B3GAT2: variants seen among roughly 807,000 people sequenced by gnomAD.
B3GAT2 encodes the protein beta-1,3-glucuronyltransferase 2.
B3GAT2 carries 26 observed loss-of-function variants against 27.8 expected under a neutral mutation model. The observed-to-expected ratio is 0.93, with a 90% CI of 0.68 to 1.30. B3GAT2 has a LOEUF of 1.30. B3GAT2 is among the 50% of genes most tolerant of loss of function. B3GAT2 has a pLI of 0.00. For synonymous variants in B3GAT2, 218 were observed against 195.1 expected (o/e 1.12, Z -0.98); for missense variants, 458 against 459.0 (o/e 1.00, Z 0.02).
In B3GAT2 at chr6:70,876,154, G is replaced by A. The variant is rs894761755; in HGVS notation, c.737-14176C>T. On this transcript the variant is annotated intron_variant, in intron 2 of 3. Coordinates refer to ENST00000230053, the MANE Select transcript of B3GAT2 (RefSeq NM_080742.3). Reference sequence around the variant, plus strand: ...GACATGGCCTGGGTAAGAGGCCATGGTACTACTGAATTGGTCAAACTAAGC... The same window carrying A: ...GACATGGCCTGGGTAAGAGGCCATGATACTACTGAATTGGTCAAACTAAGC... Among the ~76,000 whole-genome samples the A allele has an allele frequency of 2.6e-5, 4 of 152,136 alleles. No individual in the cohort carries two copies. The East Asian group carries it at 5.8e-4, about 22-fold the overall frequency.
intron 2 of B3GAT2, among the ~76,000 whole-genome samples, chr6:70,879,205 T>TTG (rs756113434): frequency 6.6e-6 from 1 of 150,522 alleles, no homozygotes. Flanking sequence ...GTTGTTGTTG[T>TTG]TTGTTTTTTG....
At chr6:70,937,921 G>A (rs1268736573) in intron 1 of B3GAT2, among the ~76,000 whole-genome samples, 2 of 151,892 alleles carry the variant, frequency 1.3e-5, no homozygotes, top group Non-Finnish European at 2.9e-5. Flanking sequence ...GGCAGAAGAA[G>A]GACATAAAGG....
At chr6:70,949,773 T>C (rs1765549351) in intron 1 of B3GAT2, among the ~76,000 whole-genome samples, 1 of 151,746 alleles carries the variant, frequency 6.6e-6, no homozygotes. Context: ...ATTGCGGCAC[T>C]ATTCACAATA....
intron 1 of B3GAT2, among the ~76,000 whole-genome samples, chr6:70,944,133 C>T (rs987086675): frequency 7.2e-5 from 11 of 152,148 alleles, no homozygotes; most frequent in Non-Finnish European, 1.6e-4. Context: ...GTCTACAGCT[C>T]CCAGCGTGAG....
chr6:70,904,707 T>A (rs1772568771), intron 1 of B3GAT2, among the ~76,000 whole-genome samples: 1 of 152,162 alleles, frequency 6.6e-6, no homozygotes, highest in Non-Finnish European at 1.5e-5. Context: ...ATGACATCGA[T>A]GGATTAAAAC....
At chr6:70,924,185 A>T (rs1405334629) in intron 1 of B3GAT2, among the ~76,000 whole-genome samples, 4 of 152,226 alleles carry the variant, frequency 2.6e-5, no homozygotes, top group Non-Finnish European at 4.4e-5. Flanking sequence ...AGCATAAAAA[A>T]TCATAAATAA....
At position 70,938,227 on chromosome 6, in the gene B3GAT2, C is replaced by T. The variant is rs796088675; in HGVS notation, c.591+17612G>A. ...TGAAGGACCTCTTCAAGGAGAACTA[C>T]AAACCACTGCTCAATGAAATAAAAG... On this transcript the variant is annotated intron_variant, in intron 1 of 3. Coordinates refer to ENST00000230053, the MANE Select transcript of B3GAT2 (RefSeq NM_080742.3). Among the ~76,000 whole-genome samples, 71 of 129,542 alleles carry T rather than the reference C, an allele frequency of 5.5e-4. 2 individuals carry two copies. In the South Asian group the frequency reaches 0.018, roughly 32 times the overall value. The allele number at this position is 129,542 out of a possible 152,430, so 85.0% of individuals were successfully genotyped here. A position where few individuals can be genotyped will look rare whatever the true frequency, so the allele number is the denominator to read the frequency against.
chr6:70,890,049 C>T (rs1408027593), intron 2 of B3GAT2, among the ~76,000 whole-genome samples: 2 of 151,964 alleles, frequency 1.3e-5, no homozygotes, highest in African/African-American at 4.8e-5. Context: ...CCCAAAGTGC[C>T]GAGATTATAG....
chr6:70,868,304 C>T (rs1451573111), intron 2 of B3GAT2, among the ~76,000 whole-genome samples: 2 of 152,114 alleles, frequency 1.3e-5, no homozygotes, highest in African/African-American at 4.8e-5. Context: ...GAGATCCTGG[C>T]CATTTAAATA....
intron 1 of B3GAT2, among the ~76,000 whole-genome samples, chr6:70,913,080 T>C (rs1259979991): frequency 6.6e-6 from 1 of 152,144 alleles, no homozygotes; most frequent in African/African-American, 2.4e-5. Context: ...GTATAATCAG[T>C]GGTCTATCCA....
At chr6:70,881,254 C>T (rs1474901534) in intron 2 of B3GAT2, among the ~76,000 whole-genome samples, 7 of 152,120 alleles carry the variant, frequency 4.6e-5, no homozygotes, top group African/African-American at 1.7e-4. Context: ...CCTTGCTCTC[C>T]AATGACTCTT....
At chr6:70,862,403 T>C (rs1771772592) in intron 2 of B3GAT2, among the ~76,000 whole-genome samples, 1 of 152,214 alleles carries the variant, frequency 6.6e-6, no homozygotes, top group Admixed American at 6.5e-5. Flanking sequence ...CCCTGTAATA[T>C]TAATTATGTA....
At chr6:70,949,857 T>C (rs1302849865) in intron 1 of B3GAT2, among the ~76,000 whole-genome samples, 5 of 151,798 alleles carry the variant, frequency 3.3e-5, no homozygotes, top group Non-Finnish European at 5.9e-5. Context: ...ATATACACCA[T>C]GGAATACTAT....
intron 2 of B3GAT2, among the ~76,000 whole-genome samples, chr6:70,864,425 T>C (rs1487571949): frequency 2.0e-5 from 3 of 152,212 alleles, no homozygotes; most frequent in Non-Finnish European, 4.4e-5. Context: ...ATACATCATT[T>C]TGCAGCAAGG....
chr6:70,909,176 G>C (rs941716902), intron 1 of B3GAT2, among the ~76,000 whole-genome samples: 2 of 151,942 alleles, frequency 1.3e-5, no homozygotes, highest in Non-Finnish European at 2.9e-5. Flanking sequence ...ACATGCTAGG[G>C]CTGTTTATTT....
At chr6:70,895,629 C>G (rs1772370190) in intron 1 of B3GAT2, among the ~76,000 whole-genome samples, 1 of 150,810 alleles carries the variant, frequency 6.6e-6, no homozygotes, top group South Asian at 2.1e-4. Context: ...CCTCAGCCTC[C>G]TGAGTAGCTC....
intron 1 of B3GAT2, among the ~76,000 whole-genome samples, chr6:70,902,174 T>G (rs1772510134): frequency 6.6e-6 from 1 of 152,100 alleles, no homozygotes; most frequent in African/African-American, 2.4e-5. Flanking sequence ...GGCATTAGTG[T>G]AAGGATAAAT....
intron 2 of B3GAT2, among the ~76,000 whole-genome samples, chr6:70,877,963 T>A (rs2150025735): frequency 6.6e-6 from 1 of 152,324 alleles, no homozygotes; most frequent in Middle Eastern, 3.4e-3. Context: ...TTACCTCTGG[T>A]CATCTACTTG....
chr6:70,877,084 C>T (rs1002849196), intron 2 of B3GAT2, among the ~76,000 whole-genome samples: 6 of 152,192 alleles, frequency 3.9e-5, no homozygotes, highest in African/African-American at 1.4e-4. Flanking sequence ...GCAACCTTGG[C>T]TCCAGATTGT....
Sources: allele counts gnomAD v4.1 joint callset (sites outside exome capture counted in the v4.1 genomes callset), GRCh38; gene constraint gnomAD v4.1.1; transcripts MANE v1.5; gene names NCBI Gene and HGNC (gene_info 2026-07-23, HGNC 2026-07-21).